Variants in FSIP1 observed in about 807,000 individuals in gnomAD.
FSIP1 encodes fibrous sheath-interacting protein 1.
In FSIP1, 65 loss-of-function variants were observed where a neutral mutation model predicts 60.9. The ratio of observed to expected loss-of-function variants is 1.07; its 90% CI spans 0.87 to 1.31. FSIP1 has a LOEUF of 1.31. Among genes scored for constraint, FSIP1 ranks in the 40% most tolerant of loss-of-function variants. The pLI is 0.00. For missense variants in FSIP1, 675 were observed against 665.5 expected (o/e 1.01, Z -0.16); for synonymous variants, 209 against 221.2 (o/e 0.94, Z 0.49).
Position 39,741,794 on chromosome 15 carries a change from T to C in FSIP1, c.655+11A>G, listed in dbSNP as rs1380085890. 7.2e-7 allele frequency: 1 copy of C among 1,386,956 alleles called. No individual in the cohort carries two copies. Among genetic ancestry groups the C allele is most frequent in the Admixed American group, 1.7e-5 (1 of 59,306 alleles). 85.9% of individuals were successfully genotyped at this position (1,386,956 alleles called of 1,614,324 possible). A position where few individuals can be genotyped will look rare whatever the true frequency, so the allele number is the denominator to read the frequency against. ...GTGAAAATGTGTATAATCACACAAA[T>C]TTAAATATACCTTTATTGAGTTTCT... On this transcript the variant is annotated intron_variant, in intron 6 of 11. Transcript: ENST00000350221.
intron 9 of FSIP1, among the ~76,000 whole-genome samples, chr15:39,714,081 T>C (rs1376814380): frequency 6.6e-6 from 1 of 152,154 alleles, no homozygotes; most frequent in Admixed American, 6.5e-5. Flanking sequence ...TGAATTAACC[T>C]CTCTGAGCTT....
chr15:39,605,971 G>A (rs974392970), intron 11 of FSIP1, among the ~76,000 whole-genome samples: 3 of 152,186 alleles, frequency 2.0e-5, no homozygotes, highest in African/African-American at 7.2e-5. Context: ...TTCAAACCCA[G>A]GTCTTCCCTA....
intron 5 of FSIP1, among the ~76,000 whole-genome samples, chr15:39,749,714 G>A (rs1897108932): frequency 2.0e-5 from 3 of 151,848 alleles, no homozygotes; most frequent in Admixed American, 2.0e-4. Flanking sequence ...ATAACCAAGG[G>A]GGAAAAACGG....
At chr15:39,743,959 T>G (rs1015079130) in intron 5 of FSIP1, among the ~76,000 whole-genome samples, 2 of 152,192 alleles carry the variant, frequency 1.3e-5, no homozygotes, top group Non-Finnish European at 2.9e-5. Context: ...ATGACAATAA[T>G]GTAATGCATA....
At chr15:39,707,271 C>T (rs1595640008) in intron 10 of FSIP1, among the ~76,000 whole-genome samples, 1 of 152,204 alleles carries the variant, frequency 6.6e-6, no homozygotes, top group South Asian at 2.1e-4. Context: ...CCCTGGGCTA[C>T]CTGATTGTTT....
At position 39,636,110 on chromosome 15, in the gene FSIP1, G is replaced by A. The variant is rs56757321; in HGVS notation, c.1189-17865C>T. ...GCTTGGACTTCTTGCTCTTATAGTA[G>A]TACGTGACAGAATTTCTAGCAGCTC... is the stretch of plus-strand genomic sequence containing the variant. On this transcript the variant is annotated intron_variant, in intron 10 of 11. Transcript: ENST00000350221. 1.1e-4 allele frequency among the ~76,000 whole-genome samples: 16 copies of A among 152,226 alleles called. No homozygotes were observed. The East Asian group carries it at 3.1e-3, about 29-fold the overall frequency.
At chr15:39,622,256 T>A (rs1041111787) in intron 10 of FSIP1, among the ~76,000 whole-genome samples, 1 of 152,210 alleles carries the variant, frequency 6.6e-6, no homozygotes, top group Non-Finnish European at 1.5e-5. Context: ...ATACTATTCC[T>A]ATCCTTCATA....
intron 10 of FSIP1, among the ~76,000 whole-genome samples, chr15:39,644,168 C>T (rs879113193): frequency 6.6e-6 from 1 of 152,138 alleles, no homozygotes; most frequent in Admixed American, 6.5e-5. Flanking sequence ...CCTATAGGCT[C>T]GATCCTTCCA....
chr15:39,700,701 A>C (rs1049702622), intron 10 of FSIP1, among the ~76,000 whole-genome samples: 48 of 152,324 alleles, frequency 3.2e-4, no homozygotes, highest in African/African-American at 1.2e-3. Flanking sequence ...CAAGGCTTTC[A>C]CTACTCCACT....
At chr15:39,722,254 T>A (rs1896011719) in intron 9 of FSIP1, among the ~76,000 whole-genome samples, 2 of 152,178 alleles carry the variant, frequency 1.3e-5, no homozygotes, top group South Asian at 4.1e-4. Flanking sequence ...TACCCCCGGA[T>A]GGAACCATCT....
chr15:39,643,914 A>T (rs973335287), intron 10 of FSIP1, among the ~76,000 whole-genome samples: 2 of 152,324 alleles, frequency 1.3e-5, no homozygotes, highest in Admixed American at 1.3e-4. Context: ...TGACTGGAAA[A>T]TTCTGCAATG....
At chr15:39,642,381 A>G (rs953972845) in intron 10 of FSIP1, among the ~76,000 whole-genome samples, 2 of 152,134 alleles carry the variant, frequency 1.3e-5, no homozygotes, top group African/African-American at 4.8e-5. Context: ...GCATTTACTA[A>G]TGGCCTTTCC....
At chr15:39,627,722 A>C (rs1345722311) in intron 10 of FSIP1, among the ~76,000 whole-genome samples, 1 of 152,232 alleles carries the variant, frequency 6.6e-6, no homozygotes, top group African/African-American at 2.4e-5. Flanking sequence ...TGTACTTGCT[A>C]GCAAGCAGTA....
intron 10 of FSIP1, among the ~76,000 whole-genome samples, chr15:39,624,346 T>C (rs1276417869): frequency 6.6e-6 from 1 of 152,240 alleles, no homozygotes; most frequent in Admixed American, 6.5e-5. Flanking sequence ...CTGATCTCAT[T>C]AAATCTGGGT....
At chr15:39,671,788 A>G (rs4349121) in intron 10 of FSIP1, among the ~76,000 whole-genome samples, 6 of 152,224 alleles carry the variant, frequency 3.9e-5, no homozygotes, top group African/African-American at 1.4e-4. Flanking sequence ...ACGTATCTAA[A>G]TATTCCTGCT....
intron 8 of FSIP1, among the ~76,000 whole-genome samples, chr15:39,730,420 G>A (rs771394913): frequency 6.6e-6 from 1 of 152,168 alleles, no homozygotes; most frequent in Admixed American, 6.5e-5. Flanking sequence ...TGCAAAAAGA[G>A]GACAGAAGAA....
intron 10 of FSIP1, among the ~76,000 whole-genome samples, chr15:39,630,767 G>C (rs2898962): frequency 0.18 from 27,486 of 152,092 alleles, 3,001 homozygotes; most frequent in East Asian, 0.32. Context: ...TCTTCAGACA[G>C]ATGCTTACAA....
chr15:39,682,012 T>C (rs959656826), intron 10 of FSIP1, among the ~76,000 whole-genome samples: 5 of 152,172 alleles, frequency 3.3e-5, no homozygotes, highest in African/African-American at 1.2e-4. Context: ...TGGGGCCCAG[T>C]TGCAAGTATA....
At chr15:39,693,435 C>T (rs1490504921) in intron 10 of FSIP1, among the ~76,000 whole-genome samples, 1 of 152,204 alleles carries the variant, frequency 6.6e-6, no homozygotes, top group Non-Finnish European at 1.5e-5. Context: ...TGTCTGCCCA[C>T]CTTATTCGCT....
Sources: gnomAD v4.1 joint callset for allele counts (sites outside exome capture counted in the v4.1 genomes callset) on GRCh38, gnomAD v4.1.1 for gene constraint, MANE v1.5 for transcripts, NCBI Gene and HGNC (gene_info 2026-07-23, HGNC 2026-07-21) for gene names.